Variants in JMJD6 observed in about 807,000 individuals in gnomAD.
The protein encoded by JMJD6 is bifunctional arginine demethylase and lysyl-hydroxylase JMJD6.
Under a neutral mutation model 45.8 loss-of-function variants are expected in JMJD6, and 17 were observed. That is an observed-to-expected ratio of 0.37 (90% CI 0.25 to 0.56). The LOEUF (loss-of-function observed/expected upper bound fraction) is 0.56. Among genes scored for constraint, JMJD6 ranks in the 20% least tolerant of loss-of-function variants. The pLI is 0.79. For missense variants in JMJD6, 470 were observed against 517.5 expected, an observed-to-expected ratio of 0.91 and a Z score of 0.89; for synonymous variants, 221 against 196.3, an observed-to-expected ratio of 1.13 and a Z score of -1.05.
Position 76,726,432 on chromosome 17 carries a change from C to T in JMJD6, c.44G>A (p.Ser15Asn), listed in dbSNP as rs201990497. ...CGAGTCCTTGAGCTCCGGCCGCGCA[C>T]TCCGCTTGGCCTCGCGGATGCGCTT... is the stretch of plus-strand genomic sequence containing the variant. ...SKKRIREAKR[S>N]ARPELKDSLD... Residue 15 changes from serine to asparagine, a missense_variant, in exon 1 of 6, where the codon AGT (serine) becomes AAT (asparagine). By Grantham distance (46) the Ser-to-Asn change is conservative. Transcript: ENST00000397625. 370 of 1,604,132 alleles carry T rather than the reference C, an allele frequency of 2.3e-4. 2 individuals carry two copies. In the African/African-American group the frequency reaches 4.4e-3, roughly 19 times the overall value.
At chr17:76,724,083 G>A in intron 2 of JMJD6, 25 bp from the exon 3 acceptor site, 1 of 1,609,260 alleles carries the variant, frequency 6.2e-7, no homozygotes, top group African/African-American at 1.3e-5. Flanking sequence ...TATCCAAGAT[G>A]TGAAGTGTAA....
At chr17:76,720,214 TG>T (rs2076805950) in intron 5 of JMJD6, 145 bp downstream of exon 5, 4 of 695,810 alleles carry the variant, frequency 5.7e-6, no homozygotes, top group Non-Finnish European at 9.8e-6. Flanking sequence ...TCAGCAGGAA[TG>T]GTGACAACTG....
downstream of JMJD6, chr17:76,716,617 C>G (rs371482270): frequency 7.0e-7 from 1 of 1,432,950 alleles, no homozygotes. Flanking sequence ...GCAGAAGATG[C>G]GAGAACTGAG....
exon 7 of JMJD6, chr17:76,713,198 A>G (rs1202609071): frequency 6.6e-6 from 1 of 152,310 alleles, no homozygotes; most frequent in Admixed American, 6.5e-5. Flanking sequence ...CCTGGGTTCA[A>G]GTGATTCTCC....
rs1485880162 is a variant in JMJD6, at chr17:76,718,678, C to G, written c.*51G>C. 2 of 1,594,388 alleles carry G rather than the reference C, an allele frequency of 1.3e-6. No individual in the cohort carries two copies. The highest frequency in any genetic ancestry group is 2.3e-5 in the South Asian group (2 of 87,156). On this transcript the variant is annotated 3_prime_UTR_variant, in exon 6 of 6. Transcript: ENST00000397625. ...ACTGGACAGGCCACCCTCCCCAGGC[C>G]CTGCCCTTGCCGCGAGCGTGTCCTT...
chr17:76,726,367 G>A lies in JMJD6; in HGVS notation c.109C>T (p.Leu37=), dbSNP rs1427648524. The change falls in exon 1 of 6, where the codon CTG becomes TTG. Residue 37 remains leucine, a synonymous_variant. Coordinates refer to ENST00000397625, the MANE Select transcript of JMJD6 (RefSeq NM_015167.3). ...TRHNYYESFS[L]SPAAVADNVE... Reference sequence around the variant, plus strand: ...CTCACCGCCACGGCCGCCGGGCTCAGCGAGAAGCTCTCGTAGTAGTTGTGC... The same window carrying A: ...CTCACCGCCACGGCCGCCGGGCTCAACGAGAAGCTCTCGTAGTAGTTGTGC... 3 of 1,596,222 alleles carry A rather than the reference G, an allele frequency of 1.9e-6. No homozygotes were observed. In the South Asian group the frequency reaches 3.4e-5, roughly 18 times the overall value.
At chr17:76,725,018 C>T (rs1002211918) in intron 2 of JMJD6, among the ~76,000 whole-genome samples, 3 of 152,120 alleles carry the variant, frequency 2.0e-5, no homozygotes, top group African/African-American at 7.2e-5. Flanking sequence ...GCCTCAGGAG[C>T]CCCCTAAATG....
At chr17:76,724,457 A>G (rs2076872523) in intron 2 of JMJD6, among the ~76,000 whole-genome samples, 1 of 152,040 alleles carries the variant, frequency 6.6e-6, no homozygotes, top group Non-Finnish European at 1.5e-5. Flanking sequence ...TCTTTATTTC[A>G]GAGATTATAT....
chr17:76,722,789 T>C (rs1450767755), intron 3 of JMJD6, among the ~76,000 whole-genome samples: 2 of 115,328 alleles, frequency 1.7e-5, no homozygotes, highest in Non-Finnish European at 3.3e-5. Flanking sequence ...GAGGTTGTAG[T>C]GGGCTGAGAT....
chr17:76,726,277 C>A, intron 1 of JMJD6, 70 bp downstream of exon 1: 3 of 1,496,168 alleles, frequency 2.0e-6, no homozygotes, highest in East Asian at 2.7e-5. Flanking sequence ...CAGCCTCGGG[C>A]CCAGAGAAAG....
intron 5 of JMJD6, among the ~76,000 whole-genome samples, chr17:76,719,761 C>T (rs2143722922): frequency 6.6e-6 from 1 of 152,318 alleles, no homozygotes; most frequent in African/African-American, 2.4e-5. Flanking sequence ...AAATCTGACA[C>T]TGCTGCTTCA....
chr17:76,718,843 C>G lies in JMJD6; in HGVS notation c.1098G>C (p.Glu366Asp), dbSNP rs1404987083. ...DSDSECESGS[E>D]GDGTVHRRKK... Reference sequence around the variant, plus strand: ...TCCTGCGGTGCACTGTCCCATCGCCCTCGGATCCAGACTCGCACTGGACAC... The same window carrying G: ...TCCTGCGGTGCACTGTCCCATCGCCGTCGGATCCAGACTCGCACTGGACAC... The change falls in exon 6 of 6, where the codon GAG (glutamate) becomes GAC (aspartate). Residue 366 changes from glutamate (E) to aspartate (D), a missense_variant. This residue lies in a region of JMJD6 where 45 missense variants were observed against 37.2 expected (regional missense o/e 1.21). Coordinates refer to ENST00000397625, the MANE Select transcript of JMJD6 (RefSeq NM_015167.3). The G allele has an allele frequency of 6.2e-7, 1 of 1,614,056 alleles. No homozygotes were observed. The highest frequency in any genetic ancestry group is 1.1e-5 in the South Asian group (1 of 91,072).
At chr17:76,721,987 T>C (rs2076830976) in intron 3 of JMJD6, 54 bp from the exon 4 acceptor site, 3 of 1,590,076 alleles carry the variant, frequency 1.9e-6, no homozygotes, top group Non-Finnish European at 8.6e-7. Context: ...ACCTAATTAC[T>C]GTATAACACA....
chr17:76,718,273 C>T (rs1039009804), downstream of JMJD6, among the ~76,000 whole-genome samples: 2 of 151,742 alleles, frequency 1.3e-5, no homozygotes. Flanking sequence ...AGAGGCCACG[C>T]CTCAGGTTCT....
At chr17:76,718,895 C>A in intron 5 of JMJD6, 35 bp from the exon 6 acceptor site, 13 of 1,601,558 alleles carry the variant, frequency 8.1e-6, no homozygotes, top group Non-Finnish European at 1.1e-5. Flanking sequence ...AGGAGTCAAC[C>A]TGGATGCAAC....
At chr17:76,712,955 CA>C (rs2076740172) in exon 7 of JMJD6, 1 of 152,210 alleles carries the variant, frequency 6.6e-6, no homozygotes, top group South Asian at 2.1e-4. Context: ...TAGACGGACG[CA>C]GAACTAGGAG....
At position 76,723,238 on chromosome 17, in the gene JMJD6, A is replaced by G. The variant is rs1214416891; in HGVS notation, c.805+534T>C. Among the ~76,000 whole-genome samples, 2 of 151,902 alleles carry G rather than the reference A, an allele frequency of 1.3e-5. 1 individual carries two copies. The highest frequency in any genetic ancestry group is 4.8e-5 in the African/African-American group (2 of 41,368). On this transcript the variant is annotated intron_variant, in intron 3 of 5. Transcript: ENST00000397625. Reference sequence around the variant, plus strand: ...TGATATTACAGGTGTGAGCCACCGCACCGGGCCTGCATACAGTTTATCAGG... The same window carrying G: ...TGATATTACAGGTGTGAGCCACCGCGCCGGGCCTGCATACAGTTTATCAGG...
Position 76,726,361 on chromosome 17 carries a change from G to T in JMJD6, c.115C>A (p.Pro39Thr). ...GACCCGCTCACCGCCACGGCCGCCG[G>T]GCTCAGCGAGAAGCTCTCGTAGTAG... ...HNYYESFSLS[P>T]AAVADNVERA... Residue 39 changes from proline to threonine, a missense_variant, in exon 1 of 6, where the codon CCG becomes ACG. Pro to Thr is a conservative substitution (Grantham distance 38). Coordinates refer to ENST00000397625, the MANE Select transcript of JMJD6 (RefSeq NM_015167.3). The T allele has an allele frequency of 6.3e-7, 1 of 1,592,300 alleles. No homozygotes were observed. The highest frequency in any genetic ancestry group is 8.5e-7 in the Non-Finnish European group (1 of 1,171,666).
intron 4 of JMJD6, chr17:76,721,449 G>A: frequency 3.4e-6 from 1 of 296,988 alleles, no homozygotes; most frequent in Non-Finnish European, 6.7e-6. Flanking sequence ...ATGCTTCTAG[G>A]TAAGAAAAAG....
Sources: gnomAD v4.1 joint callset for allele counts (sites outside exome capture counted in the v4.1 genomes callset) on GRCh38, gnomAD v4.1.1 for gene constraint, gnomAD v4.1.1 regional missense constraint, MANE v1.5 for transcripts, NCBI Gene and HGNC (gene_info 2026-07-23, HGNC 2026-07-21) for gene names.